LRP1B: variants seen among roughly 807,000 people sequenced by gnomAD.
The protein encoded by LRP1B is low-density lipoprotein receptor-related protein 1B.
Under a neutral mutation model 556.6 loss-of-function variants are expected in LRP1B, and 217 were observed. That is an observed-to-expected ratio of 0.39 (90% CI 0.35 to 0.44). The LOEUF is 0.44. Among genes scored for constraint, LRP1B ranks in the 20% least tolerant of loss-of-function variants. The pLI, the probability that LRP1B is intolerant of heterozygous loss-of-function variation, is 1.00. For synonymous variants in LRP1B, 2,047 were observed against 1,865.8 expected, an observed-to-expected ratio of 1.10 and a Z score of -2.50; for missense variants, 5,053 against 5,620.8, an observed-to-expected ratio of 0.90 and a Z score of 3.23.
chr2:141,468,364 T>A (rs1026788906), intron 3 of LRP1B, among the ~76,000 whole-genome samples: 15 of 152,258 alleles, frequency 9.9e-5, no homozygotes, highest in African/African-American at 3.1e-4. Context: ...TTGAAGAGTA[T>A]AAAAGGATAA....
chr2:141,858,436 T>C (rs1698134430), intron 1 of LRP1B, among the ~76,000 whole-genome samples: 3 of 152,192 alleles, frequency 2.0e-5, no homozygotes, highest in Admixed American at 6.5e-5. Context: ...ATTTAGACAA[T>C]TCTTTTTGAA....
Position 140,798,917 on chromosome 2 carries a change from T to C in LRP1B, c.5359+14740A>G, listed in dbSNP as rs570982169. 1.1e-4 allele frequency among the ~76,000 whole-genome samples: 17 copies of C among 152,258 alleles called. No individual in the cohort carries two copies. In the East Asian group the frequency reaches 2.9e-3, roughly 26 times the overall value. On this transcript the variant is annotated intron_variant, in intron 32 of 90. Coordinates refer to ENST00000389484, the MANE Select transcript of LRP1B (RefSeq NM_018557.3). ...TCAGAGGTAATACAGTCGCATTATC[T>C]CCATCACACAGTTACTATGTCTATT... is the stretch of plus-strand genomic sequence containing the variant.
chr2:141,866,562 T>G (rs969755682), intron 1 of LRP1B, among the ~76,000 whole-genome samples: 7 of 152,312 alleles, frequency 4.6e-5, no homozygotes, highest in African/African-American at 1.4e-4. Context: ...GTGCCTGAGC[T>G]TACTACTTTA....
intron 41 of LRP1B, among the ~76,000 whole-genome samples, chr2:140,630,593 C>T (rs971491143): frequency 9.2e-5 from 14 of 152,258 alleles, no homozygotes; most frequent in East Asian, 7.7e-4. Context: ...TTTCAACTTG[C>T]GGTCTTAGGA....
chr2:140,858,223 G>A (rs925347631), intron 27 of LRP1B, among the ~76,000 whole-genome samples: 5 of 152,062 alleles, frequency 3.3e-5, no homozygotes, highest in Middle Eastern at 3.4e-3. Flanking sequence ...GAATTATCTG[G>A]CCCAAAATAT....
chr2:142,122,415 G>T (rs911046435), intron 1 of LRP1B, among the ~76,000 whole-genome samples: 4 of 152,038 alleles, frequency 2.6e-5, no homozygotes, highest in Non-Finnish European at 5.9e-5. Flanking sequence ...GATATATTTA[G>T]TATATCTAAA....
At chr2:140,526,486 C>T (rs936961054) in intron 47 of LRP1B, 136 bp from the exon 48 acceptor site, 3 of 594,078 alleles carry the variant, frequency 5.0e-6, no homozygotes, top group African/African-American at 3.7e-5. Flanking sequence ...AAACTTGACC[C>T]CTGAACCCCA....
At chr2:141,030,737 A>T (rs977699870) in intron 11 of LRP1B, among the ~76,000 whole-genome samples, 1 of 152,094 alleles carries the variant, frequency 6.6e-6, no homozygotes, top group African/African-American at 2.4e-5. Flanking sequence ...ATCTAAATAT[A>T]GCATACTATA....
At chr2:142,002,843 A>G (rs1014886360) in intron 1 of LRP1B, among the ~76,000 whole-genome samples, 1 of 152,164 alleles carries the variant, frequency 6.6e-6, no homozygotes, top group Non-Finnish European at 1.5e-5. Context: ...ATGTTCTTCC[A>G]GTACATTCTT....
chr2:140,791,397 C>T (rs1690115406), intron 32 of LRP1B, among the ~76,000 whole-genome samples: 1 of 151,948 alleles, frequency 6.6e-6, no homozygotes, highest in African/African-American at 2.4e-5. Flanking sequence ...CAACTGCACT[C>T]TAGCCTGGGT....
Position 140,869,456 on chromosome 2 carries a change from C to A in LRP1B, c.4170-1193G>T, listed in dbSNP as rs549789334. On this transcript the variant is annotated intron_variant, in intron 25 of 90. Coordinates refer to ENST00000389484, the MANE Select transcript of LRP1B (RefSeq NM_018557.3). The stretch of plus-strand genomic sequence containing the variant: ...TGATGAGACAGTATATCTGTCTAAT[C>A]AGTATATACACAGGATATACTGTAC... Among the ~76,000 whole-genome samples the A allele has an allele frequency of 3.3e-5, 5 of 152,136 alleles. No homozygotes were observed. In the South Asian group the frequency reaches 1.0e-3, roughly 32 times the overall value.
At chr2:140,932,418 G>A (rs916556704) in intron 20 of LRP1B, among the ~76,000 whole-genome samples, 2 of 152,064 alleles carry the variant, frequency 1.3e-5, no homozygotes, top group African/African-American at 4.8e-5. Context: ...ATTGTCTAGG[G>A]TTGCTTCCAT....
chr2:140,891,786 G>T (rs1693806621), intron 23 of LRP1B, among the ~76,000 whole-genome samples: 2 of 152,122 alleles, frequency 1.3e-5, no homozygotes, highest in Admixed American at 1.3e-4. Flanking sequence ...GTTCAAACTT[G>T]TACATATACA....
intron 32 of LRP1B, among the ~76,000 whole-genome samples, chr2:140,807,759 A>G (rs1690771963): frequency 6.6e-6 from 1 of 152,188 alleles, no homozygotes. Context: ...GCAACTAGTT[A>G]TTACTGTATA....
intron 1 of LRP1B, among the ~76,000 whole-genome samples, chr2:142,123,011 G>A (rs1707512438): frequency 6.6e-6 from 1 of 151,986 alleles, no homozygotes; most frequent in Non-Finnish European, 1.5e-5. Flanking sequence ...GTGGACAGAA[G>A]CTTCAATAAA....
At chr2:141,051,575 G>C (rs532335946) in intron 10 of LRP1B, among the ~76,000 whole-genome samples, 8 of 151,848 alleles carry the variant, frequency 5.3e-5, no homozygotes, top group Non-Finnish European at 8.8e-5. Context: ...ACAAATCCCA[G>C]GTACCTAGCA....
chr2:141,007,374 T>C (rs1384860156), intron 14 of LRP1B, among the ~76,000 whole-genome samples: 2 of 151,748 alleles, frequency 1.3e-5, no homozygotes, highest in Non-Finnish European at 2.9e-5. Context: ...TCTTGAAAAA[T>C]AAATTTAATT....
At chr2:140,314,276 G>C (rs1027565102) in intron 83 of LRP1B, among the ~76,000 whole-genome samples, 1 of 151,818 alleles carries the variant, frequency 6.6e-6, no homozygotes, top group Non-Finnish European at 1.5e-5. Context: ...TATGCATTGG[G>C]GTTATTTTTT....
At chr2:140,717,642 T>C (rs1198564812) in intron 35 of LRP1B, among the ~76,000 whole-genome samples, 1 of 152,130 alleles carries the variant, frequency 6.6e-6, no homozygotes, top group African/African-American at 2.4e-5. Flanking sequence ...GGAAGAATCA[T>C]TAAATAATAA....
Sources: gnomAD v4.1 joint callset for allele counts (sites outside exome capture counted in the v4.1 genomes callset) on GRCh38, gnomAD v4.1.1 for gene constraint, MANE v1.5 for transcripts, NCBI Gene and HGNC (gene_info 2026-07-23, HGNC 2026-07-21) for gene names.